Variants in ZRANB3 observed in about 807,000 individuals in gnomAD.
ZRANB3 encodes the protein zinc finger RANBP2-type containing 3, also known as DNA annealing helicase and endonuclease ZRANB3.
A neutral mutation model predicts 133.8 loss-of-function variants in ZRANB3; 125 were observed. The observed-to-expected ratio is 0.93, with a 90% CI of 0.81 to 1.08. The LOEUF is 1.08. ZRANB3 is among the 50% of genes least tolerant of loss of function. The pLI is 0.00. For synonymous variants in ZRANB3, 387 were observed against 432.7 expected (o/e 0.89, Z 1.31); for missense variants, 1,229 against 1,275.5 (o/e 0.96, Z 0.56).
chr2:135,529,985 T>C (rs4954261), intron 1 of ZRANB3, among the ~76,000 whole-genome samples: 15,809 of 150,704 alleles, frequency 0.1, 1,081 homozygotes, highest in South Asian at 0.32. Context: ...CCCAGCACTT[T>C]GGGAGGCCAA....
chr2:135,452,431 G>C (rs1690317788), intron 2 of ZRANB3, among the ~76,000 whole-genome samples: 1 of 152,056 alleles, frequency 6.6e-6, no homozygotes, highest in Non-Finnish European at 1.5e-5. Context: ...GTCCCCCAAA[G>C]TCTTAACTAA....
chr2:135,338,679 C>A (rs149722926), intron 6 of ZRANB3, among the ~76,000 whole-genome samples: 1 of 152,196 alleles, frequency 6.6e-6, no homozygotes, highest in South Asian at 2.1e-4. Context: ...CAAGATTACA[C>A]AGTATTCCAC....
chr2:135,245,389 T>C (rs1347098235), intron 12 of ZRANB3, among the ~76,000 whole-genome samples: 1 of 152,192 alleles, frequency 6.6e-6, no homozygotes, highest in Non-Finnish European at 1.5e-5. Context: ...CTTTGATATA[T>C]TCTAAAGATA....
chr2:135,435,858 T>A (rs1032696554), intron 2 of ZRANB3, among the ~76,000 whole-genome samples: 6 of 152,190 alleles, frequency 3.9e-5, no homozygotes, highest in South Asian at 2.1e-4. Context: ...TGAATTTTTT[T>A]AAATTTCCTT....
At chr2:135,270,531 T>G (rs535188410) in intron 10 of ZRANB3, among the ~76,000 whole-genome samples, 1 of 152,308 alleles carries the variant, frequency 6.6e-6, no homozygotes, top group South Asian at 2.1e-4. Flanking sequence ...TTTCTCCTAC[T>G]TAGCACCTCC....
At chr2:135,355,435 C>G (rs907788242) in intron 3 of ZRANB3, among the ~76,000 whole-genome samples, 7 of 151,392 alleles carry the variant, frequency 4.6e-5, no homozygotes, top group Non-Finnish European at 8.8e-5. Context: ...GATCTCGGCT[C>G]ACAGCAACCT....
chr2:135,314,441 C>T (rs1683158428), intron 7 of ZRANB3, among the ~76,000 whole-genome samples: 1 of 152,064 alleles, frequency 6.6e-6, no homozygotes, highest in African/African-American at 2.4e-5. Context: ...TGCTTATAAG[C>T]TTTCAAGATA....
chr2:135,419,013 C>G (rs1161260397), intron 2 of ZRANB3, among the ~76,000 whole-genome samples: 1 of 141,994 alleles, frequency 7.0e-6, no homozygotes, highest in Middle Eastern at 3.8e-3. Flanking sequence ...TCTCGGCTCG[C>G]TGCAATCTCT....
intron 3 of ZRANB3, among the ~76,000 whole-genome samples, chr2:135,378,268 G>A (rs951102743): frequency 4.6e-5 from 7 of 152,118 alleles, no homozygotes; most frequent in African/African-American, 7.2e-5. Context: ...TGAAGCAGGC[G>A]GATCACTTGA....
chr2:135,313,488 C>T lies in ZRANB3; in HGVS notation c.966+1G>A, dbSNP rs1375984500. 2 of 1,594,682 alleles carry T rather than the reference C, an allele frequency of 1.3e-6. No homozygotes were observed. Among genetic ancestry groups the T allele is most frequent in the South Asian group, 1.1e-5 (1 of 89,420 alleles). On this transcript the variant is annotated splice_donor_variant, in intron 8 of 20. Coordinates refer to ENST00000264159, the MANE Select transcript of ZRANB3 (RefSeq NM_032143.4). LOFTEE classifies it high-confidence loss of function. The stretch of plus-strand genomic sequence containing the variant: ...ATACATGATGGCCCAGCAAAGAGTA[C>T]CTTGGCAATAGCAGTTTGTTTAAAC...
intron 18 of ZRANB3, among the ~76,000 whole-genome samples, chr2:135,208,296 C>T (rs375670288): frequency 6.6e-6 from 1 of 152,280 alleles, no homozygotes. Flanking sequence ...AATAGAGTCA[C>T]AGCCATAAAG....
intron 3 of ZRANB3, among the ~76,000 whole-genome samples, chr2:135,377,547 G>C (rs1686482848): frequency 1.3e-5 from 2 of 152,064 alleles, no homozygotes; most frequent in South Asian, 4.2e-4. Context: ...TAAAATGAAG[G>C]GGTTATGTCA....
intron 12 of ZRANB3, among the ~76,000 whole-genome samples, chr2:135,251,195 C>T (rs1457619883): frequency 1.3e-5 from 2 of 152,106 alleles, no homozygotes; most frequent in Non-Finnish European, 2.9e-5. Flanking sequence ...GCCCTGTATC[C>T]CCTTTGTTTT....
intron 5 of ZRANB3, among the ~76,000 whole-genome samples, chr2:135,347,290 TTC>T (rs983543728): frequency 7.4e-6 from 1 of 135,170 alleles, no homozygotes; most frequent in African/African-American, 3.2e-5. Context: ...TTGTTTTCAG[TTC>T]TCTTTTTTTT....
At chr2:135,284,537 TCTCAGCTCACTGCAAGCTCCGC>T (rs1350375945) in intron 8 of ZRANB3, among the ~76,000 whole-genome samples, 1 of 152,246 alleles carries the variant, frequency 6.6e-6, no homozygotes, top group Non-Finnish European at 1.5e-5. Flanking sequence ...AGTGGCGCGA[TCTCAGCTCACTGCAAGCTCCGC>T]CTCCCGGGTT....
intron 2 of ZRANB3, among the ~76,000 whole-genome samples, chr2:135,416,628 C>T (rs1207668160): frequency 1.3e-5 from 2 of 149,852 alleles, no homozygotes; most frequent in South Asian, 2.1e-4. Context: ...CATATGGAAC[C>T]AAAAAAGAGC....
At chr2:135,400,108 C>T (rs921807870) in intron 2 of ZRANB3, among the ~76,000 whole-genome samples, 3 of 151,938 alleles carry the variant, frequency 2.0e-5, no homozygotes, top group South Asian at 2.1e-4. Flanking sequence ...AGCGTGGAAG[C>T]GGGCTCCTAT....
chr2:135,284,327 T>C (rs979273900), intron 8 of ZRANB3, among the ~76,000 whole-genome samples: 3 of 152,242 alleles, frequency 2.0e-5, no homozygotes, highest in African/African-American at 7.2e-5. Context: ...TATTAGCATA[T>C]TTCTCCAGTA....
chr2:135,222,758 G>A (rs1276737259), intron 15 of ZRANB3, among the ~76,000 whole-genome samples: 3 of 151,824 alleles, frequency 2.0e-5, no homozygotes, highest in African/African-American at 7.3e-5. Context: ...AATAAAAAAT[G>A]TTATTTTTAT....
Sources: allele counts gnomAD v4.1 joint callset (sites outside exome capture counted in the v4.1 genomes callset), GRCh38; gene constraint gnomAD v4.1.1; transcripts MANE v1.5; gene names NCBI Gene and HGNC (gene_info 2026-07-23, HGNC 2026-07-21).